RIMS2: variants seen among roughly 807,000 people sequenced by gnomAD.
The protein encoded by RIMS2 is regulating synaptic membrane exocytosis protein 2.
In RIMS2, 59 loss-of-function variants were observed where a neutral mutation model predicts 174.4. The observed-to-expected ratio is 0.34, with a 90% CI of 0.27 to 0.42. The LOEUF (loss-of-function observed/expected upper bound fraction) is 0.42, where lower values mean the gene tolerates loss of function less well. RIMS2 is among the 10% of genes least tolerant of loss of function. The pLI, the probability that RIMS2 is intolerant of heterozygous loss-of-function variation, is 1.00. For synonymous variants in RIMS2, 606 were observed against 572.5 expected, an observed-to-expected ratio of 1.06 and a Z score of -0.84; for missense variants, 1,620 against 1,666.3, an observed-to-expected ratio of 0.97 and a Z score of 0.48.
At chr8:103,845,708 T>C (rs1327177033) in intron 3 of RIMS2, among the ~76,000 whole-genome samples, 1 of 152,106 alleles carries the variant, frequency 6.6e-6, no homozygotes, top group East Asian at 1.9e-4. Flanking sequence ...TCCCACACTC[T>C]AGGAACTTAG....
chr8:103,575,585 G>A (rs548496691), intron 1 of RIMS2, among the ~76,000 whole-genome samples: 118 of 150,842 alleles, frequency 7.8e-4, no homozygotes, highest in African/African-American at 2.8e-3. Flanking sequence ...AAGTGAAGCT[G>A]GCTGCACTCC....
intron 19 of RIMS2, among the ~76,000 whole-genome samples, chr8:104,226,389 T>A (rs986448570): frequency 6.6e-6 from 1 of 152,194 alleles, no homozygotes; most frequent in Non-Finnish European, 1.5e-5. Flanking sequence ...GTACAGCGTG[T>A]TGAGTTTCCA....
intron 1 of RIMS2, among the ~76,000 whole-genome samples, chr8:103,621,862 CTG>C (rs144615111): frequency 0.12 from 18,867 of 152,070 alleles, 1,258 homozygotes; most frequent in Middle Eastern, 0.23. Flanking sequence ...AAAAATAAAA[CTG>C]AAATTAATTC....
chr8:103,567,338 C>A (rs1428303185), intron 1 of RIMS2, among the ~76,000 whole-genome samples: 1 of 152,160 alleles, frequency 6.6e-6, no homozygotes, highest in Non-Finnish European at 1.5e-5. Flanking sequence ...ATCCCAGCCA[C>A]CAATCTGGCA....
intron 1 of RIMS2, among the ~76,000 whole-genome samples, chr8:103,518,045 A>G (rs372778319): frequency 8.9e-4 from 136 of 152,174 alleles, no homozygotes; most frequent in African/African-American, 3.1e-3. Context: ...TTATGTGACT[A>G]TGACATGCAG....
intron 19 of RIMS2, among the ~76,000 whole-genome samples, chr8:104,022,351 C>T (rs1032266580): frequency 6.6e-6 from 1 of 151,876 alleles, no homozygotes; most frequent in African/African-American, 2.4e-5. Flanking sequence ...AGATTAGAAG[C>T]AAGATGGGGT....
intron 14 of RIMS2, among the ~76,000 whole-genome samples, chr8:103,943,218 A>T (rs1233234130): frequency 1.3e-5 from 2 of 152,214 alleles, no homozygotes; most frequent in East Asian, 3.8e-4. Flanking sequence ...TAGTGCTTAG[A>T]ATCCTAAATA....
chr8:104,111,515 C>T (rs890876913), intron 19 of RIMS2, among the ~76,000 whole-genome samples: 2 of 152,184 alleles, frequency 1.3e-5, no homozygotes, highest in African/African-American at 4.8e-5. Context: ...TCAAGTGATT[C>T]TCCTGCCTCA....
At chr8:103,957,753 T>A (rs2087953984) in intron 14 of RIMS2, among the ~76,000 whole-genome samples, 1 of 151,904 alleles carries the variant, frequency 6.6e-6, no homozygotes, top group Admixed American at 6.6e-5. Flanking sequence ...ACTTAAAGTG[T>A]AATAATAAAA....
intron 3 of RIMS2, among the ~76,000 whole-genome samples, chr8:103,817,275 G>T (rs1364627025): frequency 2.0e-5 from 3 of 152,112 alleles, no homozygotes; most frequent in Non-Finnish European, 4.4e-5. Context: ...TAGGCCACTG[G>T]CAGGTAGTTT....
intron 3 of RIMS2, among the ~76,000 whole-genome samples, chr8:103,859,260 T>C (rs915275963): frequency 6.6e-6 from 1 of 152,096 alleles, no homozygotes; most frequent in Non-Finnish European, 1.5e-5. Flanking sequence ...CTTTCCGTAA[T>C]ATAAATGAGG....
chr8:104,009,138 T>A (rs983238906), intron 17 of RIMS2, among the ~76,000 whole-genome samples: 2 of 151,970 alleles, frequency 1.3e-5, no homozygotes, highest in African/African-American at 4.8e-5. Flanking sequence ...TATACAAATA[T>A]GTATATATGC....
intron 19 of RIMS2, among the ~76,000 whole-genome samples, chr8:104,156,165 AT>A (rs1306380108): frequency 6.6e-6 from 1 of 152,216 alleles, no homozygotes; most frequent in Non-Finnish European, 1.5e-5. Flanking sequence ...TATTCATCAA[AT>A]ATCAGTCCAA....
chr8:103,932,010 T>C (rs1383660041), intron 12 of RIMS2, among the ~76,000 whole-genome samples: 1 of 152,106 alleles, frequency 6.6e-6, no homozygotes, highest in Non-Finnish European at 1.5e-5. Context: ...CTGATTTGAT[T>C]GGAGAAATAT....
At chr8:104,119,526 A>G (rs1279211779) in intron 19 of RIMS2, among the ~76,000 whole-genome samples, 1 of 152,210 alleles carries the variant, frequency 6.6e-6, no homozygotes, top group Non-Finnish European at 1.5e-5. Context: ...ATGTCACCGT[A>G]TTCTCTTATT....
chr8:103,539,625 A>AT, intron 1 of RIMS2, among the ~76,000 whole-genome samples: 1 of 152,328 alleles, frequency 6.6e-6, no homozygotes, highest in South Asian at 2.1e-4. Flanking sequence ...GCATACAGGC[A>AT]TTTTTTGCCA....
At chr8:104,102,652 A>G (rs2097924724) in intron 19 of RIMS2, among the ~76,000 whole-genome samples, 1 of 152,208 alleles carries the variant, frequency 6.6e-6, no homozygotes, top group South Asian at 2.1e-4. Flanking sequence ...CCTCACAATC[A>G]TGGAGGAAGT....
intron 1 of RIMS2, among the ~76,000 whole-genome samples, chr8:103,577,791 C>T (rs1042508631): frequency 6.6e-6 from 1 of 151,982 alleles, no homozygotes; most frequent in African/African-American, 2.4e-5. Flanking sequence ...AACCTTGGAC[C>T]TGAGAAATAT....
chr8:103,596,169 C>A (rs1029086347), intron 1 of RIMS2, among the ~76,000 whole-genome samples: 10 of 151,904 alleles, frequency 6.6e-5, no homozygotes, highest in African/African-American at 2.4e-4. Flanking sequence ...TTCTAAATTT[C>A]ATAATTGTTC....
Sources: gnomAD v4.1 joint callset for allele counts (sites outside exome capture counted in the v4.1 genomes callset) on GRCh38, gnomAD v4.1.1 for gene constraint, MANE v1.5 for transcripts, NCBI Gene and HGNC (gene_info 2026-07-23, HGNC 2026-07-21) for gene names.